CALN1: variants seen among roughly 807,000 people sequenced by gnomAD.
CALN1 encodes calcium-binding protein 8.
CALN1 carries 17 observed loss-of-function variants against 30.6 expected under a neutral mutation model. That is an observed-to-expected ratio of 0.56 (90% CI 0.38 to 0.83). The LOEUF (loss-of-function observed/expected upper bound fraction) is 0.83, where lower values mean the gene tolerates loss of function less well. Among genes scored for constraint, CALN1 ranks in the 40% least tolerant of loss-of-function variants. The pLI, the probability that CALN1 is intolerant of heterozygous loss-of-function variation, is 0.00. For synonymous variants in CALN1, 156 were observed against 131.4 expected (o/e 1.19, Z -1.28); for missense variants, 291 against 354.9 (o/e 0.82, Z 1.45).
intron 5 of CALN1, among the ~76,000 whole-genome samples, chr7:71,921,529 G>C (rs566478523): frequency 7.2e-4 from 109 of 152,140 alleles, no homozygotes; most frequent in African/African-American, 2.4e-3. Context: ...AGAGAAAGAA[G>C]AAGACAAAAA....
chr7:72,153,708 G>T (rs371589979), intron 3 of CALN1, among the ~76,000 whole-genome samples: 5 of 152,042 alleles, frequency 3.3e-5, no homozygotes, highest in African/African-American at 1.2e-4. Flanking sequence ...AAAAGAAAAA[G>T]AAAGTTGTTA....
chr7:72,326,492 G>A (rs1026846747), intron 2 of CALN1, among the ~76,000 whole-genome samples: 1 of 152,216 alleles, frequency 6.6e-6, no homozygotes, highest in African/African-American at 2.4e-5. Flanking sequence ...CATATAAAAT[G>A]AATCATCAGC....
chr7:72,076,610 G>GAAAAAAAAAAAAA (rs1563035585), intron 4 of CALN1, among the ~76,000 whole-genome samples: 2 of 746 alleles, frequency 2.7e-3, no homozygotes, highest in Non-Finnish European at 6.3e-3. Context: ...AAAAAAAAAA[G>GAAAAAAAAAAAAA]CAAAAAAAAA....
At chr7:72,216,809 T>C (rs749616542) in intron 3 of CALN1, among the ~76,000 whole-genome samples, 3 of 152,158 alleles carry the variant, frequency 2.0e-5, no homozygotes, top group Non-Finnish European at 4.4e-5. Flanking sequence ...TGGAGTTCAG[T>C]AGCACAATCA....
intron 2 of CALN1, among the ~76,000 whole-genome samples, chr7:72,302,371 C>G (rs927460565): frequency 1.3e-5 from 2 of 152,194 alleles, no homozygotes; most frequent in Non-Finnish European, 2.9e-5. Context: ...GGCGATCATG[C>G]TGACATTAAA....
chr7:72,466,240 G>GGTGT, the CALN1 span, among the ~76,000 whole-genome samples: 3 of 150,366 alleles, frequency 2.0e-5, no homozygotes, highest in African/African-American at 7.3e-5. Flanking sequence ...TGAGATGTGT[G>GGTGT]GTGTGTGTGT....
At chr7:72,182,108 A>C (rs1486144382) in intron 3 of CALN1, among the ~76,000 whole-genome samples, 2 of 152,192 alleles carry the variant, frequency 1.3e-5, no homozygotes, top group African/African-American at 2.4e-5. Context: ...AGGCTTCTTA[A>C]AGAAATAAAT....
intron 1 of CALN1, among the ~76,000 whole-genome samples, chr7:72,425,650 T>A (rs1807776781): frequency 1.3e-5 from 2 of 152,220 alleles, no homozygotes; most frequent in South Asian, 4.1e-4. Flanking sequence ...CACATTCTGT[T>A]GAGCATGCAA....
chr7:72,320,014 C>T (rs1179226382), intron 2 of CALN1, among the ~76,000 whole-genome samples: 2 of 152,046 alleles, frequency 1.3e-5, no homozygotes, highest in Admixed American at 1.3e-4. Context: ...ACAAATTAGC[C>T]AGGGCGTGAG....
At chr7:72,299,751 T>A (rs897522364) in intron 2 of CALN1, among the ~76,000 whole-genome samples, 1 of 150,154 alleles carries the variant, frequency 6.7e-6, no homozygotes, top group Non-Finnish European at 1.5e-5. Flanking sequence ...CCCAGACTGG[T>A]TTCAAACTCC....
chr7:72,305,792 C>CT (rs1799606131), intron 2 of CALN1, among the ~76,000 whole-genome samples: 1 of 152,196 alleles, frequency 6.6e-6, no homozygotes, highest in Non-Finnish European at 1.5e-5. Context: ...GGCTGGATGT[C>CT]TAAGATCAAG....
upstream of CALN1, among the ~76,000 whole-genome samples, chr7:72,448,767 G>A (rs531298712): frequency 2.9e-4 from 44 of 152,040 alleles, no homozygotes; most frequent in African/African-American, 8.7e-4. Flanking sequence ...CACCATGCCC[G>A]GATAATTTTT....
chr7:72,305,930 T>C (rs1489869138), intron 2 of CALN1, among the ~76,000 whole-genome samples: 1 of 152,142 alleles, frequency 6.6e-6, no homozygotes, highest in Non-Finnish European at 1.5e-5. Flanking sequence ...CTGGTATCTC[T>C]ACTTATAAGG....
At chr7:72,076,214 G>A (rs1428684848) in intron 4 of CALN1, among the ~76,000 whole-genome samples, 1 of 151,760 alleles carries the variant, frequency 6.6e-6, no homozygotes, top group Non-Finnish European at 1.5e-5. Context: ...GGGTTGATAG[G>A]TACAGCAAAC....
intron 5 of CALN1, among the ~76,000 whole-genome samples, chr7:71,972,521 A>G (rs1318551401): frequency 2.0e-5 from 3 of 152,208 alleles, no homozygotes; most frequent in South Asian, 2.1e-4. Flanking sequence ...GAACAGACCT[A>G]AAGTGGGATA....
chr7:72,336,419 A>G (rs1802042048), intron 2 of CALN1, among the ~76,000 whole-genome samples: 1 of 151,922 alleles, frequency 6.6e-6, no homozygotes, highest in South Asian at 2.1e-4. Flanking sequence ...GGGACAGCCG[A>G]GTCCGCCGCG....
chr7:72,350,498 A>T (rs1802865046), intron 2 of CALN1, among the ~76,000 whole-genome samples: 1 of 152,218 alleles, frequency 6.6e-6, no homozygotes, highest in Non-Finnish European at 1.5e-5. Context: ...ATAGAGCTGG[A>T]GGCCATTATC....
At chr7:72,460,702 G>T in the CALN1 span, among the ~76,000 whole-genome samples, 1 of 152,132 alleles carries the variant, frequency 6.6e-6, no homozygotes, top group East Asian at 1.9e-4. Context: ...GAACGCATGG[G>T]ATACATTGTA....
intron 3 of CALN1, among the ~76,000 whole-genome samples, chr7:72,273,122 C>T (rs986113562): frequency 2.0e-5 from 3 of 151,828 alleles, no homozygotes; most frequent in African/African-American, 7.3e-5. Context: ...GCATATCAAT[C>T]TCTCACCAGT....
Sources: allele counts gnomAD v4.1 joint callset (sites outside exome capture counted in the v4.1 genomes callset), GRCh38; gene constraint gnomAD v4.1.1; transcripts MANE v1.5; gene names NCBI Gene and HGNC (gene_info 2026-07-23, HGNC 2026-07-21).